The following RALYL variants were observed in gnomAD, a reference collection of about 807,000 sequenced individuals.
RALYL encodes the protein RNA-binding Raly-like protein.
In RALYL, 29 loss-of-function variants were observed where a neutral mutation model predicts 35.1. The observed-to-expected ratio is 0.83, with a 90% confidence interval of 0.61 to 1.13. The LOEUF is 1.13. Among genes scored for constraint, RALYL ranks in the 50% most tolerant of loss-of-function variants. The probability of loss-of-function intolerance (pLI) is 0.00; values close to 1 mark genes in which losing one functional copy is unlikely to be tolerated. For missense variants in RALYL, 359 were observed against 360.4 expected (o/e 1.00, Z 0.03); for synonymous variants, 120 against 127.6 (o/e 0.94, Z 0.40).
chr8:84,445,665 T>C (rs995233758), intron 1 of RALYL, among the ~76,000 whole-genome samples: 6 of 151,554 alleles, frequency 4.0e-5, no homozygotes, highest in Non-Finnish European at 5.9e-5. Context: ...ATGAATTATA[T>C]TATAACATAT....
chr8:84,654,790 C>T lies in RALYL; in HGVS notation c.257-119789C>T, dbSNP rs1829630061. On this transcript the variant is annotated intron_variant, in intron 2 of 8. Transcript: ENST00000521268. ...TTTTATTTGTGACTAAATTGTACTT[C>T]ATTGTGTGTATGTACCACATTTTCT... Among the ~76,000 whole-genome samples, 3 of 152,112 alleles carry T rather than the reference C, an allele frequency of 2.0e-5. No individual in the cohort carries two copies. In the South Asian group the frequency reaches 6.2e-4, roughly 32 times the overall value.
chr8:84,767,478 T>A (rs1470043233), intron 2 of RALYL, among the ~76,000 whole-genome samples: 1 of 152,098 alleles, frequency 6.6e-6, no homozygotes, highest in Non-Finnish European at 1.5e-5. Flanking sequence ...TTGGAGCAAA[T>A]TTTACTTTTT....
chr8:84,525,797 T>C (rs2058834870), intron 1 of RALYL, among the ~76,000 whole-genome samples: 1 of 152,130 alleles, frequency 6.6e-6, no homozygotes, highest in Admixed American at 6.5e-5. Context: ...GTTTTTATCT[T>C]TAAAAGTCCC....
chr8:84,900,033 A>T (rs991018171), intron 8 of RALYL, among the ~76,000 whole-genome samples: 1 of 152,068 alleles, frequency 6.6e-6, no homozygotes, highest in Non-Finnish European at 1.5e-5. Context: ...AGTTCTAAGG[A>T]TTTTTGAGAT....
chr8:84,339,431 G>A (rs577292809), intron 1 of RALYL, among the ~76,000 whole-genome samples: 1 of 151,914 alleles, frequency 6.6e-6, no homozygotes, highest in South Asian at 2.1e-4. Context: ...ATTGTAGGTT[G>A]TGCACTCCTT....
chr8:84,846,003 T>C lies in RALYL; in HGVS notation c.366-3977T>C, dbSNP rs149049768. On this transcript the variant is annotated intron_variant, in intron 4 of 8. Transcript: ENST00000521268. ...TCCTGTTCCATTGGTCTATTGTCTA[T>C]TTTTGTACCAGGACCATGCTTTTTG... Among the ~76,000 whole-genome samples the C allele has an allele frequency of 3.8e-3, 584 of 152,286 alleles. 4 individuals are homozygous for C. Among genetic ancestry groups the C allele is most frequent in the Non-Finnish European group, 4.8e-3 (328 of 68,014 alleles).
intron 1 of RALYL, among the ~76,000 whole-genome samples, chr8:84,390,195 C>G (rs1431306145): frequency 6.6e-6 from 1 of 152,128 alleles, no homozygotes; most frequent in African/African-American, 2.4e-5. Context: ...ATGAAGCCCA[C>G]TTGATCATGG....
chr8:84,450,773 T>C (rs1240243439), intron 1 of RALYL, among the ~76,000 whole-genome samples: 3 of 152,036 alleles, frequency 2.0e-5, no homozygotes, highest in African/African-American at 7.2e-5. Flanking sequence ...TGTCTTATTA[T>C]GGTTAATTTT....
chr8:84,374,942 T>C (rs758432919), intron 1 of RALYL, among the ~76,000 whole-genome samples: 6 of 151,940 alleles, frequency 3.9e-5, no homozygotes, highest in Non-Finnish European at 5.9e-5. Flanking sequence ...ATTTTGCTTG[T>C]GGTTCTAACC....
intron 1 of RALYL, among the ~76,000 whole-genome samples, chr8:84,522,213 T>A (rs1166803970): frequency 6.6e-6 from 1 of 151,968 alleles, no homozygotes; most frequent in Non-Finnish European, 1.5e-5. Context: ...ATATTTTATA[T>A]CTTTAATGCT....
chr8:84,785,225 A>G (rs1205203959), intron 3 of RALYL, among the ~76,000 whole-genome samples: 1 of 152,092 alleles, frequency 6.6e-6, no homozygotes, highest in Non-Finnish European at 1.5e-5. Context: ...ATGTTTTAAT[A>G]TTTGTTTGAC....
At chr8:84,223,345 T>A (rs561093786) in intron 1 of RALYL, among the ~76,000 whole-genome samples, 72 of 152,148 alleles carry the variant, frequency 4.7e-4, no homozygotes, top group Middle Eastern at 6.8e-3. Flanking sequence ...GGCTCTTTTG[T>A]CTCCACCTCA....
At chr8:84,670,373 T>A (rs935165061) in intron 2 of RALYL, among the ~76,000 whole-genome samples, 1 of 152,186 alleles carries the variant, frequency 6.6e-6, no homozygotes, top group African/African-American at 2.4e-5. Flanking sequence ...CTGTTGACTA[T>A]CCCTTGAGAA....
chr8:84,841,417 A>C (rs1228915907), intron 4 of RALYL, among the ~76,000 whole-genome samples: 1 of 152,214 alleles, frequency 6.6e-6, no homozygotes, highest in East Asian at 1.9e-4. Flanking sequence ...AGAAGAGCTA[A>C]CTATCCTAAA....
At chr8:84,292,845 G>C (rs1206949322) in intron 1 of RALYL, among the ~76,000 whole-genome samples, 6 of 152,138 alleles carry the variant, frequency 3.9e-5, no homozygotes, top group African/African-American at 1.4e-4. Flanking sequence ...CTATGGAGTA[G>C]CCATTCTTTT....
At chr8:84,458,124 T>G (rs2050344569) in intron 1 of RALYL, among the ~76,000 whole-genome samples, 1 of 151,910 alleles carries the variant, frequency 6.6e-6, no homozygotes, top group Non-Finnish European at 1.5e-5. Flanking sequence ...CTCAACTTAA[T>G]TCTTTCATTT....
rs559984818 is a variant in RALYL, at chr8:84,770,643, G to A, written c.257-3936G>A. Among the ~76,000 whole-genome samples the A allele has an allele frequency of 5.3e-5, 8 of 152,174 alleles. No homozygotes were observed. In the South Asian group the frequency reaches 1.7e-3, roughly 32 times the overall value. On this transcript the variant is annotated intron_variant, in intron 2 of 8. Coordinates refer to ENST00000521268, the MANE Select transcript of RALYL (RefSeq NM_173848.7). ...TCACCACACTGTTTTCCATAGGGTTGTACTAGTTTACATTCCCCCACCAGT... is the reference window on the plus strand; with the variant it reads ...TCACCACACTGTTTTCCATAGGGTTATACTAGTTTACATTCCCCCACCAGT...
At chr8:84,646,488 G>T (rs1328998144) in intron 2 of RALYL, among the ~76,000 whole-genome samples, 1 of 151,852 alleles carries the variant, frequency 6.6e-6, no homozygotes, top group African/African-American at 2.4e-5. Context: ...TAAGTTCTTT[G>T]GTTGGTTTTA....
intron 2 of RALYL, among the ~76,000 whole-genome samples, chr8:84,740,277 T>A (rs961040969): frequency 1.3e-5 from 2 of 151,916 alleles, no homozygotes; most frequent in Admixed American, 6.6e-5. Flanking sequence ...TTGGAGCAAG[T>A]CAGTTACTCT....
Sources: allele counts gnomAD v4.1 joint callset (sites outside exome capture counted in the v4.1 genomes callset), GRCh38; gene constraint gnomAD v4.1.1; transcripts MANE v1.5; gene names NCBI Gene and HGNC (gene_info 2026-07-23, HGNC 2026-07-21).